NAV3: variants seen among roughly 807,000 people sequenced by gnomAD.
The protein encoded by NAV3 is neuron navigator 3.
Under a neutral mutation model 244.7 loss-of-function variants are expected in NAV3, and 87 were observed. The ratio of observed to expected loss-of-function variants is 0.36; its 90% CI spans 0.30 to 0.42. The LOEUF (loss-of-function observed/expected upper bound fraction) is 0.42, where lower values mean the gene tolerates loss of function less well. Among genes scored for constraint, NAV3 ranks in the 20% least tolerant of loss-of-function variants. NAV3 has a pLI of 1.00. For synonymous variants in NAV3, 1,126 were observed against 1,042.2 expected, an observed-to-expected ratio of 1.08 and a Z score of -1.55; for missense variants, 2,663 against 2,893.3, an observed-to-expected ratio of 0.92 and a Z score of 1.83.
chr12:78,145,100 T>C, intron 20 of NAV3: 2 of 304,120 alleles, frequency 6.6e-6, no homozygotes, highest in Non-Finnish European at 1.3e-5. Context: ...AAAACCAAAC[T>C]GTGTATAAAA....
At chr12:78,168,249 T>A (rs561150538) in intron 23 of NAV3, among the ~76,000 whole-genome samples, 2 of 151,796 alleles carry the variant, frequency 1.3e-5, no homozygotes, top group East Asian at 3.9e-4. Context: ...TAGGGGTAAG[T>A]TCCAGGTTTT....
At chr12:78,028,716 A>T (rs1252188649) in intron 9 of NAV3, among the ~76,000 whole-genome samples, 7 of 152,206 alleles carry the variant, frequency 4.6e-5, no homozygotes, top group Non-Finnish European at 1.0e-4. Flanking sequence ...TTTTGCAAAC[A>T]TTTTGCATCA....
At chr12:77,720,166 T>C (rs1876546628) in intron 2 of NAV3, among the ~76,000 whole-genome samples, 5 of 151,960 alleles carry the variant, frequency 3.3e-5, no homozygotes, top group Admixed American at 1.3e-4. Context: ...TCTCTCTCTC[T>C]CTCTCTCTCT....
intron 9 of NAV3, among the ~76,000 whole-genome samples, chr12:78,047,013 G>A (rs1881915694): frequency 6.6e-6 from 1 of 151,908 alleles, no homozygotes; most frequent in South Asian, 2.1e-4. Context: ...TTTTATATTT[G>A]CTGGTTTAAA....
At chr12:77,654,118 C>T (rs1872955160) in intron 2 of NAV3, among the ~76,000 whole-genome samples, 1 of 152,118 alleles carries the variant, frequency 6.6e-6, no homozygotes, top group African/African-American at 2.4e-5. Flanking sequence ...TCAGTGGGTG[C>T]ACGCACCGTG....
chr12:77,628,635 G>A (rs1467894953), intron 2 of NAV3, among the ~76,000 whole-genome samples: 1 of 151,972 alleles, frequency 6.6e-6, no homozygotes, highest in African/African-American at 2.4e-5. Context: ...TGTAATTCCA[G>A]CACTTTGGGA....
intron 12 of NAV3, 62 bp from the exon 13 acceptor site, chr12:78,116,710 G>A (rs1955397645): frequency 1.4e-6 from 2 of 1,409,926 alleles, no homozygotes; most frequent in South Asian, 3.6e-5. Flanking sequence ...GCATGGAAAT[G>A]TAGGTGACTT....
At chr12:77,728,184 A>C (rs576852282) in intron 2 of NAV3, among the ~76,000 whole-genome samples, 79 of 152,098 alleles carry the variant, frequency 5.2e-4, no homozygotes, top group African/African-American at 1.9e-3. Context: ...AGCTCACTCC[A>C]GTCCTGTTAG....
intron 2 of NAV3, among the ~76,000 whole-genome samples, chr12:77,665,869 G>T (rs1411263766): frequency 6.6e-6 from 1 of 152,082 alleles, no homozygotes; most frequent in Non-Finnish European, 1.5e-5. Flanking sequence ...AATCACAAAA[G>T]AAATGTTATT....
intron 2 of NAV3, among the ~76,000 whole-genome samples, chr12:77,617,237 A>T (rs1162624536): frequency 6.6e-6 from 1 of 152,192 alleles, no homozygotes; most frequent in Non-Finnish European, 1.5e-5. Context: ...TGTAGTAGCC[A>T]GTCCCCAGAT....
At chr12:78,128,278 A>C (rs1456410503) in intron 17 of NAV3, among the ~76,000 whole-genome samples, 18 of 151,510 alleles carry the variant, frequency 1.2e-4, no homozygotes, top group Admixed American at 1.2e-3. Flanking sequence ...AAAAAAAAAA[A>C]AAAACAAAAG....
chr12:78,065,152 G>A (rs1884856968), intron 12 of NAV3, among the ~76,000 whole-genome samples: 1 of 152,140 alleles, frequency 6.6e-6, no homozygotes, highest in East Asian at 1.9e-4. Context: ...GATAGAGCTG[G>A]TGATGATACC....
intron 5 of NAV3, among the ~76,000 whole-genome samples, chr12:77,973,856 T>TA (rs528732591): frequency 1.6e-4 from 24 of 150,710 alleles, no homozygotes; most frequent in South Asian, 1.5e-3. Flanking sequence ...GTGTGCCCTT[T>TA]AAAAAAAAAG....
chr12:78,163,161 G>T (rs1957637869), intron 23 of NAV3, among the ~76,000 whole-genome samples: 1 of 151,492 alleles, frequency 6.6e-6, no homozygotes, highest in Admixed American at 6.6e-5. Flanking sequence ...TAGTCTTTGG[G>T]CTTCACAGTG....
chr12:77,910,443 A>G (rs1224862223), intron 1 of NAV3, among the ~76,000 whole-genome samples: 1 of 152,114 alleles, frequency 6.6e-6, no homozygotes, highest in African/African-American at 2.4e-5. Flanking sequence ...TGACCCAAAC[A>G]CTTCCCATTA....
chr12:77,859,471 A>G (rs1451737552), intron 1 of NAV3, among the ~76,000 whole-genome samples: 1 of 152,056 alleles, frequency 6.6e-6, no homozygotes, highest in Non-Finnish European at 1.5e-5. Context: ...TTTAGGCTTA[A>G]GGAAATCAGA....
intron 3 of NAV3, among the ~76,000 whole-genome samples, chr12:77,944,703 G>A (rs1292803218): frequency 5.3e-5 from 8 of 152,102 alleles, no homozygotes; most frequent in African/African-American, 1.7e-4. Context: ...CACAGGAGAA[G>A]AAACCTGAGG....
intron 8 of NAV3, among the ~76,000 whole-genome samples, chr12:78,018,555 T>C (rs1471219911): frequency 2.0e-5 from 3 of 152,212 alleles, no homozygotes; most frequent in African/African-American, 7.2e-5. Context: ...GCTGTTGGTC[T>C]TGTTCTCATA....
chr12:77,810,725 T>C (rs1056752831), intron 2 of NAV3, among the ~76,000 whole-genome samples: 11 of 152,224 alleles, frequency 7.2e-5, no homozygotes, highest in African/African-American at 2.7e-4. Context: ...ATGTATTCCT[T>C]ATTAAGCCTC....
Sources: gnomAD v4.1 joint callset for allele counts (sites outside exome capture counted in the v4.1 genomes callset) on GRCh38, gnomAD v4.1.1 for gene constraint, MANE v1.5 for transcripts, NCBI Gene and HGNC (gene_info 2026-07-23, HGNC 2026-07-21) for gene names.